Variants in MMRN1 observed in about 807,000 individuals in gnomAD.
MMRN1 encodes multimerin 1.
In MMRN1, 94 loss-of-function variants were observed where a neutral mutation model predicts 100.7. That is an observed-to-expected ratio of 0.93 (90% CI 0.79 to 1.11). MMRN1 has a LOEUF of 1.11. Among genes scored for constraint, MMRN1 ranks in the 50% least tolerant of loss-of-function variants. MMRN1 has a pLI of 0.00. For synonymous variants in MMRN1, 575 were observed against 505.0 expected, an observed-to-expected ratio of 1.14 and a Z score of -1.86; for missense variants, 1,606 against 1,439.1, an observed-to-expected ratio of 1.12 and a Z score of -1.88.
At chr4:89,887,485 A>T (rs1720963956) in intron 1 of MMRN1, among the ~76,000 whole-genome samples, 1 of 152,032 alleles carries the variant, frequency 6.6e-6, no homozygotes, top group Non-Finnish European at 1.5e-5. Context: ...AGAACCCAGA[A>T]ATAAATCCAC....
Position 89,936,225 on chromosome 4 carries a change from C to A in MMRN1, c.2545C>A (p.Leu849Ile). 6.2e-7 allele frequency: 1 copy of A among 1,605,348 alleles called. No individual in the cohort carries two copies. The highest frequency in any genetic ancestry group is 8.5e-7 in the Non-Finnish European group (1 of 1,177,648). ...QNMSHLEEKL[L>I]LTTKISKNFE... ...TATGAGTCATTTGGAAGAAAAACTA[C>A]TCTTAACTACCAAGATTTCCAAAAA... is the stretch of plus-strand genomic sequence containing the variant. The change falls in exon 6 of 8, where the codon CTC (leucine) becomes ATC (isoleucine). Residue 849 changes from leucine to isoleucine, a missense_variant. Transcript: ENST00000264790.
chr4:89,897,241 G>A (rs1428202690), intron 1 of MMRN1, among the ~76,000 whole-genome samples: 4 of 148,984 alleles, frequency 2.7e-5, no homozygotes, highest in African/African-American at 7.4e-5. Flanking sequence ...ACGGAGTCTC[G>A]CTCTCTTGCC....
intron 3 of MMRN1, among the ~76,000 whole-genome samples, chr4:89,914,966 A>T (rs796150542): frequency 9.2e-5 from 14 of 151,708 alleles, no homozygotes; most frequent in African/African-American, 3.4e-4. Context: ...CTTTATAGGA[A>T]AAAGGTATCT....
At chr4:89,904,163 T>A (rs1250438930) in intron 1 of MMRN1, among the ~76,000 whole-genome samples, 1 of 151,880 alleles carries the variant, frequency 6.6e-6, no homozygotes, top group African/African-American at 2.4e-5. Flanking sequence ...GCTCTATTTC[T>A]TACTTTTTCT....
At position 89,909,341 on chromosome 4, in the gene MMRN1, A is replaced by T. The variant is rs1479147739; in HGVS notation, c.689A>T (p.Tyr230Phe). The change falls in exon 2 of 8, where the codon TAT becomes TTT. Residue 230 changes from tyrosine to phenylalanine, a missense_variant. By Grantham distance (22) the Tyr-to-Phe change is conservative. Transcript: ENST00000264790. ...PTVILDNQVT[Y>F]VPGGKGPCGW... ...GTGATATTGGACAACCAGGTCACTT[A>T]TGTCCCAGGTGGGAAAGGACCTTGT... 6.2e-7 allele frequency: 1 copy of T among 1,610,082 alleles called. No individual in the cohort carries two copies.
At chr4:89,919,807 T>C (rs188366235) in intron 3 of MMRN1, among the ~76,000 whole-genome samples, 2 of 152,234 alleles carry the variant, frequency 1.3e-5, no homozygotes, top group East Asian at 3.9e-4. Context: ...TCTTTGATAA[T>C]TTACTATAAA....
At chr4:89,919,181 T>TA (rs1022477503) in intron 3 of MMRN1, among the ~76,000 whole-genome samples, 14 of 151,574 alleles carry the variant, frequency 9.2e-5, no homozygotes, top group African/African-American at 3.4e-4. Flanking sequence ...CTTATTATTT[T>TA]AAAAAAGAAA....
rs569620952 is a variant in MMRN1 at position 89,938,283 on chromosome 4, C to T, written c.3118+1485C>T. 4.5e-3 allele frequency among the ~76,000 whole-genome samples: 686 copies of T among 151,106 alleles called. 3 individuals carry two copies. Among genetic ancestry groups the T allele is most frequent in the African/African-American group, 0.011 (441 of 41,320 alleles). On this transcript the variant is annotated intron_variant, in intron 6 of 7. Transcript: ENST00000264790. ...AGGAACATAGAAGAAACTATTTAGA[C>T]GTATATGTTTCCCAGAGAAAGGTAG...
intron 3 of MMRN1, among the ~76,000 whole-genome samples, chr4:89,914,041 G>A (rs886248962): frequency 6.6e-6 from 1 of 151,200 alleles, no homozygotes; most frequent in African/African-American, 2.4e-5. Context: ...TTCTATTAGT[G>A]CAATTGATGC....
intron 6 of MMRN1, among the ~76,000 whole-genome samples, chr4:89,941,233 C>A (rs922169686): frequency 4.6e-5 from 7 of 152,164 alleles, no homozygotes; most frequent in Admixed American, 1.3e-4. Flanking sequence ...CCCCCAAATA[C>A]GTGTACGCAT....
At position 89,895,118 on chromosome 4, in the gene MMRN1, A is replaced by G; in HGVS notation, c.147A>G (p.Ile49Met). The stretch of plus-strand genomic sequence containing the variant: ...CTGCTTCAGTTCCTCCAAATAAAAT[A>G]CAAAGTTTGCAAATACTGCCAACCA... ...MPSASVPPNK[I>M]QSLQILPTTR... The change falls in exon 1 of 8, where the codon ATA (isoleucine) becomes ATG (methionine). Residue 49 changes from isoleucine (I) to methionine (M), a missense_variant. Coordinates refer to ENST00000264790, the MANE Select transcript of MMRN1 (RefSeq NM_007351.3). 6.2e-6 allele frequency: 10 copies of G among 1,613,906 alleles called. No homozygotes were observed. Among genetic ancestry groups the G allele is most frequent in the Non-Finnish European group, 8.5e-6 (10 of 1,179,924 alleles).
chr4:89,926,222 G>A (rs1400341756), intron 4 of MMRN1, among the ~76,000 whole-genome samples: 1 of 152,164 alleles, frequency 6.6e-6, no homozygotes, highest in African/African-American at 2.4e-5. Context: ...CGTAGTGGTT[G>A]TACTAACTTA....
intron 5 of MMRN1, among the ~76,000 whole-genome samples, chr4:89,928,959 T>A (rs1424141155): frequency 1.3e-5 from 2 of 152,092 alleles, no homozygotes; most frequent in Non-Finnish European, 2.9e-5. Context: ...TAGTGAGTAA[T>A]TGTTATGATA....
chr4:89,913,253 CTCT>C (rs557079447), intron 3 of MMRN1, among the ~76,000 whole-genome samples: 4 of 151,386 alleles, frequency 2.6e-5, no homozygotes, highest in African/African-American at 9.7e-5. Flanking sequence ...ATCTGTATTT[CTCT>C]TCTTCTACAA....
chr4:89,894,867 G>C lies in MMRN1; in HGVS notation c.-105G>C. On this transcript the variant is annotated 5_prime_UTR_variant, in exon 1 of 8. Transcript: ENST00000264790. Reference sequence around the variant, plus strand: ...TGTTTCCTCTACACATCTCAAACTGGCAAAACTCAGTCTTAGCAGATTCAG... The same window carrying C: ...TGTTTCCTCTACACATCTCAAACTGCCAAAACTCAGTCTTAGCAGATTCAG... 6.7e-7 allele frequency: 1 copy of C among 1,487,372 alleles called. No homozygotes were observed. The highest frequency in any genetic ancestry group is 8.9e-7 in the Non-Finnish European group (1 of 1,122,272). 92.1% of individuals were successfully genotyped at this position (1,487,372 alleles called of 1,614,324 possible). A position where few individuals can be genotyped will look rare whatever the true frequency, so the allele number is the denominator to read the frequency against.
chr4:89,950,275 A>C (rs1723119103), intron 6 of MMRN1, among the ~76,000 whole-genome samples: 1 of 152,190 alleles, frequency 6.6e-6, no homozygotes, highest in Admixed American at 6.6e-5. Flanking sequence ...TAAATTTTTC[A>C]AGAATGCAAG....
intron 1 of MMRN1, among the ~76,000 whole-genome samples, chr4:89,885,420 GTT>G (rs1214063707): frequency 6.6e-6 from 1 of 151,888 alleles, no homozygotes; most frequent in Non-Finnish European, 1.5e-5. Flanking sequence ...TTGGTATTAG[GTT>G]TTTGTGGCCT....
At chr4:89,918,432 C>T (rs1019946473) in intron 3 of MMRN1, among the ~76,000 whole-genome samples, 2 of 151,820 alleles carry the variant, frequency 1.3e-5, no homozygotes, top group African/African-American at 2.4e-5. Context: ...ATATAATTTA[C>T]AAAATGCCTT....
At chr4:89,896,828 T>C (rs1721220056) in intron 1 of MMRN1, among the ~76,000 whole-genome samples, 1 of 152,154 alleles carries the variant, frequency 6.6e-6, no homozygotes, top group Admixed American at 6.6e-5. Context: ...TTTCAAAAGT[T>C]ATAGAATTTT....
Sources: gnomAD v4.1 joint callset for allele counts (sites outside exome capture counted in the v4.1 genomes callset) on GRCh38, gnomAD v4.1.1 for gene constraint, MANE v1.5 for transcripts, NCBI Gene and HGNC (gene_info 2026-07-23, HGNC 2026-07-21) for gene names.